Variants in ASTN2 observed in about 807,000 individuals in gnomAD.
ASTN2 encodes astrotactin-2.
In ASTN2, 54 loss-of-function variants were observed where a neutral mutation model predicts 139.8. The observed-to-expected ratio is 0.39, with a 90% CI of 0.31 to 0.48. The LOEUF (loss-of-function observed/expected upper bound fraction) is 0.48. Among genes scored for constraint, ASTN2 ranks in the 20% least tolerant of loss-of-function variants. ASTN2 has a pLI of 0.95. For missense variants in ASTN2, 1,565 were observed against 1,725.1 expected, an observed-to-expected ratio of 0.91 and a Z score of 1.64; for synonymous variants, 756 against 719.5, an observed-to-expected ratio of 1.05 and a Z score of -0.81.
chr9:117,130,025 GGCC>G (rs1829790732), intron 4 of ASTN2, among the ~76,000 whole-genome samples: 1 of 152,044 alleles, frequency 6.6e-6, no homozygotes, highest in African/African-American at 2.4e-5. Context: ...CCTATCACAG[GGCC>G]AGGCATGGTG....
intron 22 of ASTN2, among the ~76,000 whole-genome samples, chr9:116,431,896 C>T (rs1012172269): frequency 6.6e-6 from 1 of 152,070 alleles, no homozygotes; most frequent in African/African-American, 2.4e-5. Flanking sequence ...TATCAGAAGA[C>T]ACATTTGGCT....
intron 19 of ASTN2, among the ~76,000 whole-genome samples, chr9:116,535,457 C>T (rs1046789475): frequency 6.6e-5 from 10 of 152,098 alleles, no homozygotes; most frequent in Admixed American, 3.3e-4. Context: ...CTCCTAGCAT[C>T]GATGGTCTTT....
rs537573810 is a variant in ASTN2 at position 117,031,193 on chromosome 9, T to G, written c.1423+8626A>C. On this transcript the variant is annotated intron_variant, in intron 6 of 22. Transcript: ENST00000313400. ...GGATGGGAGCAACATCCTTGGGGAG[T>G]GAAGTCAATCATAGAAGAAGAGGCA... 2.6e-5 allele frequency among the ~76,000 whole-genome samples: 4 copies of G among 152,140 alleles called. No homozygotes were observed. In the East Asian group the frequency reaches 7.7e-4, roughly 29 times the overall value.
chr9:117,216,782 G>A (rs1430126165), intron 2 of ASTN2, among the ~76,000 whole-genome samples: 1 of 152,016 alleles, frequency 6.6e-6, no homozygotes, highest in African/African-American at 2.4e-5. Flanking sequence ...AGAGGAGAGA[G>A]GTGATAGAGA....
intron 20 of ASTN2, among the ~76,000 whole-genome samples, chr9:116,448,433 C>G (rs2118909148): frequency 6.6e-6 from 1 of 152,320 alleles, no homozygotes; most frequent in Middle Eastern, 3.4e-3. Flanking sequence ...AGCCTCCCAT[C>G]TCCTGCAGTG....
intron 20 of ASTN2, among the ~76,000 whole-genome samples, chr9:116,475,697 T>G (rs1848956690): frequency 6.6e-6 from 1 of 152,146 alleles, no homozygotes; most frequent in Non-Finnish European, 1.5e-5. Flanking sequence ...ACCTGCTTCC[T>G]CTCCTCTAGG....
At chr9:117,290,799 A>T (rs577151655) in intron 2 of ASTN2, among the ~76,000 whole-genome samples, 1 of 152,190 alleles carries the variant, frequency 6.6e-6, no homozygotes, top group Non-Finnish European at 1.5e-5. Context: ...TCACAACTAT[A>T]AAGAGAATTA....
At chr9:116,920,761 T>C (rs985881654) in intron 10 of ASTN2, among the ~76,000 whole-genome samples, 1 of 152,148 alleles carries the variant, frequency 6.6e-6, no homozygotes, top group Non-Finnish European at 1.5e-5. Context: ...CTTGCTGAGG[T>C]CACTACGATT....
chr9:117,231,940 A>C (rs570999221), intron 2 of ASTN2, among the ~76,000 whole-genome samples: 1 of 152,224 alleles, frequency 6.6e-6, no homozygotes, highest in East Asian at 1.9e-4. Flanking sequence ...AAGTGAGCAC[A>C]CCTTCCTTTT....
At chr9:117,059,349 C>T (rs1271437872) in intron 5 of ASTN2, among the ~76,000 whole-genome samples, 2 of 152,174 alleles carry the variant, frequency 1.3e-5, no homozygotes, top group African/African-American at 4.8e-5. Context: ...CGTGGTGGCT[C>T]ATGCCTGTAA....
chr9:117,227,487 G>A (rs1228055080), intron 2 of ASTN2, among the ~76,000 whole-genome samples: 4 of 152,160 alleles, frequency 2.6e-5, no homozygotes, highest in Non-Finnish European at 4.4e-5. Flanking sequence ...TGGATGGATG[G>A]ATGGATGAAT....
chr9:117,181,903 G>A (rs1036251957), intron 3 of ASTN2, among the ~76,000 whole-genome samples: 21 of 152,172 alleles, frequency 1.4e-4, no homozygotes, highest in Admixed American at 2.6e-4. Flanking sequence ...AGCAAGACTC[G>A]TTTGGGATTC....
chr9:117,307,341 TAGA>T (rs1835027301), intron 1 of ASTN2, among the ~76,000 whole-genome samples: 1 of 152,120 alleles, frequency 6.6e-6, no homozygotes, highest in Non-Finnish European at 1.5e-5. Context: ...TGCTACAGAG[TAGA>T]AGGTTTTGCA....
chr9:116,673,762 CA>C (rs1859336557), intron 16 of ASTN2, among the ~76,000 whole-genome samples: 1 of 152,100 alleles, frequency 6.6e-6, no homozygotes, highest in African/African-American at 2.4e-5. Flanking sequence ...GCCCTGGTGA[CA>C]CCTTAATTTG....
chr9:117,014,594 T>C (rs1357493122), intron 6 of ASTN2, among the ~76,000 whole-genome samples: 1 of 152,174 alleles, frequency 6.6e-6, no homozygotes, highest in Non-Finnish European at 1.5e-5. Context: ...CTATGGTTCC[T>C]ACTTGTTATG....
chr9:116,569,739 C>T (rs537046484), intron 19 of ASTN2, among the ~76,000 whole-genome samples: 2 of 152,264 alleles, frequency 1.3e-5, no homozygotes, highest in East Asian at 1.9e-4. Flanking sequence ...ATGATGGAGC[C>T]GAGAGCTGAA....
chr9:116,903,653 C>T (rs1300884001), intron 10 of ASTN2, among the ~76,000 whole-genome samples: 1 of 152,206 alleles, frequency 6.6e-6, no homozygotes, highest in Non-Finnish European at 1.5e-5. Context: ...CATACTCTCT[C>T]TCTGGGCCTT....
chr9:117,195,142 T>G (rs182992480), intron 3 of ASTN2, among the ~76,000 whole-genome samples: 1 of 152,176 alleles, frequency 6.6e-6, no homozygotes, highest in Admixed American at 6.6e-5. Flanking sequence ...AAAAGTACTA[T>G]TACAAGAACA....
intron 1 of ASTN2, among the ~76,000 whole-genome samples, chr9:117,343,668 C>CT (rs1161949063): frequency 6.6e-6 from 1 of 152,118 alleles, no homozygotes; most frequent in Non-Finnish European, 1.5e-5. Flanking sequence ...GATGACTCAG[C>CT]TAGCAAGGAA....
Sources: gnomAD v4.1 joint callset for allele counts (sites outside exome capture counted in the v4.1 genomes callset) on GRCh38, gnomAD v4.1.1 for gene constraint, MANE v1.5 for transcripts, NCBI Gene and HGNC (gene_info 2026-07-23, HGNC 2026-07-21) for gene names.